MAU2: variants seen among roughly 807,000 people sequenced by gnomAD.
MAU2 encodes the protein MAU2 chromatid cohesion factor homolog.
MAU2 carries 9 observed loss-of-function variants against 89.1 expected under a neutral mutation model. The ratio of observed to expected loss-of-function variants is 0.10; its 90% CI spans 0.06 to 0.18. The LOEUF (loss-of-function observed/expected upper bound fraction) is 0.18, where lower values mean the gene tolerates loss of function less well. Among genes scored for constraint, MAU2 ranks in the 10% least tolerant of loss-of-function variants. The pLI is 1.00. For synonymous variants in MAU2, 357 were observed against 343.4 expected (o/e 1.04, Z -0.44); for missense variants, 425 against 803.5 (o/e 0.53, Z 5.69).
intron 16 of MAU2, chr19:19,352,535 C>T (rs1189458618): frequency 3.3e-5 from 5 of 152,302 alleles, no homozygotes; most frequent in African/African-American, 1.2e-4. Flanking sequence ...TGCCCTCAGC[C>T]TCTGAGCACA....
At chr19:19,323,115 C>T (rs1015940774) in intron 1 of MAU2, among the ~76,000 whole-genome samples, 6 of 151,920 alleles carry the variant, frequency 3.9e-5, no homozygotes, top group Non-Finnish European at 7.4e-5. Flanking sequence ...TCTTGAACTC[C>T]TGACCTTGTG....
chr19:19,358,018 G>C lies in MAU2; in HGVS notation c.*2236G>C, dbSNP rs957779479. The C allele has an allele frequency of 6.6e-6, 1 of 151,710 alleles. No homozygotes were observed. The highest frequency in any genetic ancestry group is 2.4e-5 in the African/African-American group (1 of 41,248). The allele number at this position is 151,710 out of a possible 1,614,324, so 9.4% of individuals were successfully genotyped here. On this transcript the variant is annotated 3_prime_UTR_variant, in exon 19 of 19. Coordinates refer to ENST00000262815, the MANE Select transcript of MAU2 (RefSeq NM_015329.4). The stretch of plus-strand genomic sequence containing the variant: ...GGATCACTTGAGCCCAGGAGATTGA[G>C]GCTGCAGTGAGCATGATCGCGACAC...
intron 1 of MAU2, chr19:19,329,086 A>G (rs2061534076): frequency 2.2e-6 from 1 of 455,914 alleles, no homozygotes; most frequent in Non-Finnish European, 4.4e-6. Flanking sequence ...CTTTCTCAGC[A>G]AGTGATTAAA....
chr19:19,326,702 GTATA>G (rs560689514), intron 1 of MAU2, among the ~76,000 whole-genome samples: 1 of 49,198 alleles, frequency 2.0e-5, no homozygotes, highest in African/African-American at 5.3e-5. Context: ...ATATATATAT[GTATA>G]TATATATATA....
Position 19,356,203 on chromosome 19 carries a change from TC to T in MAU2, c.*423del. On this transcript the variant is annotated 3_prime_UTR_variant, in exon 19 of 19. Transcript: ENST00000262815. ...TGATGCCGAGCGGGAGTAGAGTGTTTCCTCTGCTCAAGGCAATTTCCAGAGC... is the reference window on the plus strand; with the variant it reads ...TGATGCCGAGCGGGAGTAGAGTGTTTCTCTGCTCAAGGCAATTTCCAGAGC... The T allele has an allele frequency of 2.7e-6, 1 of 368,680 alleles. No homozygotes were observed. Among genetic ancestry groups the T allele is most frequent in the Non-Finnish European group, 5.4e-6 (1 of 186,460 alleles). The allele number at this position is 368,680 out of a possible 1,614,324, so 22.8% of individuals were successfully genotyped here. A position where few individuals can be genotyped will look rare whatever the true frequency, so the allele number is the denominator to read the frequency against.
chr19:19,353,997 C>T (rs2061764532), intron 16 of MAU2: 2 of 270,916 alleles, frequency 7.4e-6, no homozygotes, highest in Non-Finnish European at 1.5e-5. Context: ...GAACCTGAAA[C>T]CTGGAACCCT....
chr19:19,337,337 C>A, intron 4 of MAU2, 72 bp downstream of exon 4: 1 of 1,226,994 alleles, frequency 8.2e-7, no homozygotes, highest in African/African-American at 1.5e-5. Flanking sequence ...GCCCCATTTG[C>A]AAAGAACAGC....
At position 19,348,961 on chromosome 19, in the gene MAU2, C is replaced by G. The variant is rs772572971; in HGVS notation, c.1358+23C>G. The G allele has an allele frequency of 3.7e-6, 6 of 1,611,254 alleles. No individual in the cohort carries two copies. The South Asian group carries it at 6.6e-5, about 18-fold the overall frequency. On this transcript the variant is annotated intron_variant, in intron 14 of 18. Coordinates refer to ENST00000262815, the MANE Select transcript of MAU2 (RefSeq NM_015329.4). ...CAGGTGAGCCGCTCCAGGCACCACT[C>G]CACGCACGGCCTAGGCTCCCCGTGC...
chr19:19,349,151 G>A lies in MAU2; in HGVS notation c.1359-4G>A, dbSNP rs1489505470. ...CCCCATGTGATACTGCACTCTCCCT[G>A]CAGCTCGCACTGCCTCCGAGCAGCC... On this transcript the variant is annotated splice_region_variant and splice_polypyrimidine_tract_variant and intron_variant, in intron 14 of 18. Transcript: ENST00000262815. The A allele has an allele frequency of 9.3e-6, 15 of 1,613,892 alleles. No individual in the cohort carries two copies. Among genetic ancestry groups the A allele is most frequent in the Non-Finnish European group, 1.3e-5 (15 of 1,180,026 alleles).
At position 19,348,398 on chromosome 19, in the gene MAU2, T is replaced by C. The variant is rs1016263860; in HGVS notation, c.1309-491T>C. On this transcript the variant is annotated intron_variant, in intron 13 of 18. Coordinates refer to ENST00000262815, the MANE Select transcript of MAU2 (RefSeq NM_015329.4). Reference sequence around the variant, plus strand: ...AGAAAGCCCAGCCCCGGCTTAGTCATCCGATGCCATACGTGGGCTCGCAGT... The same window carrying C: ...AGAAAGCCCAGCCCCGGCTTAGTCACCCGATGCCATACGTGGGCTCGCAGT... 5.8e-5 allele frequency: 12 copies of C among 208,678 alleles called. No homozygotes were observed. The South Asian group carries it at 7.9e-4, about 14-fold the overall frequency. The allele number at this position is 208,678 out of a possible 1,614,324, so 12.9% of individuals were successfully genotyped here.
chr19:19,326,061 C>T (rs553013569), intron 1 of MAU2, among the ~76,000 whole-genome samples: 3 of 141,194 alleles, frequency 2.1e-5, no homozygotes, highest in Non-Finnish European at 3.0e-5. Context: ...AGTGCAATGG[C>T]GCAATCTCAA....
At chr19:19,334,540 G>A (rs185201281) in intron 1 of MAU2, 21 of 985,482 alleles carry the variant, frequency 2.1e-5, no homozygotes, top group Admixed American at 1.8e-4. Flanking sequence ...TGGCTCCTCC[G>A]CACTCCCTTC....
Position 19,358,170 on chromosome 19 carries a change from A to G in MAU2, c.*2388A>G, listed in dbSNP as rs1303493502. The G allele has an allele frequency of 6.6e-6, 1 of 152,198 alleles. No homozygotes were observed. The highest frequency in any genetic ancestry group is 2.4e-5 in the African/African-American group (1 of 41,440). 9.4% of individuals were successfully genotyped at this position (152,198 alleles called of 1,614,324 possible). ...TGTAGCTAAGTGTCTAGGAAAAAAC[A>G]AAAACTCCAAACCCTTCAGTGGATG... On this transcript the variant is annotated 3_prime_UTR_variant, in exon 19 of 19. Coordinates refer to ENST00000262815, the MANE Select transcript of MAU2 (RefSeq NM_015329.4).
Position 19,333,298 on chromosome 19 carries a change from G to A in MAU2, c.277-2420G>A, listed in dbSNP as rs145975931. Among the ~76,000 whole-genome samples the A allele has an allele frequency of 7.9e-5, 12 of 152,160 alleles. No individual in the cohort carries two copies. The East Asian group carries it at 1.9e-3, about 25-fold the overall frequency. ...CTAGGAACTCGAGACCAGTCTGGGCGGCGTAGCCAGACCCCATCTCTACAA... is the reference window on the plus strand; with the variant it reads ...CTAGGAACTCGAGACCAGTCTGGGCAGCGTAGCCAGACCCCATCTCTACAA... On this transcript the variant is annotated intron_variant, in intron 1 of 18. Transcript: ENST00000262815.
chr19:19,354,133 A>G lies in MAU2; in HGVS notation c.1549-222A>G. 4 of 581,220 alleles carry G rather than the reference A, an allele frequency of 6.9e-6. No homozygotes were observed. The South Asian group carries it at 7.6e-5, about 11-fold the overall frequency. 36.0% of individuals were successfully genotyped at this position (581,220 alleles called of 1,614,324 possible). ...CCATTGGCCATGCCCCTGTGAGGGC[A>G]TGAGCCAGAAGTGAGGGCAGTTTGT... On this transcript the variant is annotated intron_variant, in intron 16 of 18. Transcript: ENST00000262815.
intron 9 of MAU2, 85 bp from the exon 10 acceptor site, chr19:19,343,752 C>G: frequency 7.3e-6 from 7 of 960,698 alleles, no homozygotes; most frequent in Non-Finnish European, 1.0e-5. Context: ...TGGCAGGAGA[C>G]AGGAACGAGG....
Position 19,345,574 on chromosome 19 carries a change from C to T in MAU2, c.1221+205C>T, listed in dbSNP as rs1455541797. ...TAAGGGACAGCTATGGGGCCAGGGG[C>T]TTCCTGAGCTGACCCAAGGGCAGAC... On this transcript the variant is annotated intron_variant, in intron 12 of 18. Coordinates refer to ENST00000262815, the MANE Select transcript of MAU2 (RefSeq NM_015329.4). This position sits in a 1 kb window ranked among gnomAD's most constrained non-coding sequence, Gnocchi z 4.9. 6.6e-6 allele frequency among the ~76,000 whole-genome samples: 1 copy of T among 152,226 alleles called. No individual in the cohort carries two copies. Among genetic ancestry groups the T allele is most frequent in the East Asian group, 1.9e-4 (1 of 5,204 alleles).
In MAU2 at chr19:19,349,326, C is replaced by A. The variant is rs1443793350; in HGVS notation, c.1438C>A (p.Arg480=). ...FFQGRYNEAK[R]FLRETLKMSN... ...CAGCGTCCATGTTCTCCTTGTCAGG[C>A]GATTTCTGCGGGAAACTCTGAAGAT... The change falls in exon 16 of 19, where the codon CGA becomes AGA. Residue 480 remains arginine, a splice_region_variant and synonymous_variant. Coordinates refer to ENST00000262815, the MANE Select transcript of MAU2 (RefSeq NM_015329.4). The A allele has an allele frequency of 6.2e-7, 1 of 1,614,094 alleles. No individual in the cohort carries two copies. Among genetic ancestry groups the A allele is most frequent in the East Asian group, 2.2e-5 (1 of 44,880 alleles).
At chr19:19,321,497 T>G in intron 1 of MAU2, 1 of 189,990 alleles carries the variant, frequency 5.3e-6, no homozygotes, top group East Asian at 1.3e-4. Flanking sequence ...CTGAAGCTAT[T>G]AGCTCCTCCT....
Sources: gnomAD v4.1 joint callset for allele counts (sites outside exome capture counted in the v4.1 genomes callset) on GRCh38, gnomAD v4.1.1 for gene constraint, Gnocchi (gnomAD v3.1) non-coding constraint, MANE v1.5 for transcripts, NCBI Gene and HGNC (gene_info 2026-07-23, HGNC 2026-07-21) for gene names.